TBATA: variants seen among roughly 807,000 people sequenced by gnomAD.
TBATA encodes protein TBATA.
A neutral mutation model predicts 38.7 loss-of-function variants in TBATA; 47 were observed. The ratio of observed to expected loss-of-function variants is 1.21; its 90% CI spans 0.96 to 1.55. TBATA has a LOEUF of 1.55. Among genes scored for constraint, TBATA ranks in the 40% most tolerant of loss-of-function variants. The pLI, the probability that TBATA is intolerant of heterozygous loss-of-function variation, is 0.00. For missense variants in TBATA, 436 were observed against 435.6 expected, an observed-to-expected ratio of 1.00 and a Z score of -0.01; for synonymous variants, 183 against 170.5, an observed-to-expected ratio of 1.07 and a Z score of -0.57.
Position 70,775,173 on chromosome 10 carries a change from G to A in TBATA, c.775+16C>T, listed in dbSNP as rs758908549. Reference sequence around the variant, plus strand: ...GCAGCCTCCACTGAGACAGTGCTGCGGGGCTGTGTCCTCACCCTTGGGCGG... The same window carrying A: ...GCAGCCTCCACTGAGACAGTGCTGCAGGGCTGTGTCCTCACCCTTGGGCGG... On this transcript the variant is annotated intron_variant, in intron 8 of 10. Coordinates refer to ENST00000456372, the MANE Select transcript of TBATA (RefSeq NM_001318241.2). 2.1e-5 allele frequency: 33 copies of A among 1,607,658 alleles called. No homozygotes were observed. Among genetic ancestry groups the A allele is most frequent in the Admixed American group, 1.8e-4 (11 of 59,924 alleles).
Position 70,784,103 on chromosome 10 carries a change from C to G in TBATA, c.-147+544G>C, listed in dbSNP as rs570014226. 4.6e-5 allele frequency among the ~76,000 whole-genome samples: 7 copies of G among 152,230 alleles called. No homozygotes were observed. The East Asian group carries it at 1.4e-3, about 29-fold the overall frequency. On this transcript the variant is annotated intron_variant, in intron 2 of 10. Transcript: ENST00000456372. ...CCACAAGTTCCAGAGGACCACATAG[C>G]CTGAGATCCTTTCTAAAAATAAAAG...
At chr10:70,777,400 G>T in intron 6 of TBATA, 62 bp from the exon 7 acceptor site, 2 of 1,491,806 alleles carry the variant, frequency 1.3e-6, no homozygotes, top group South Asian at 2.4e-5. Flanking sequence ...AGGGCTGAGG[G>T]GAGGAGAGGA....
chr10:70,773,533 G>A (rs545961564), intron 9 of TBATA, among the ~76,000 whole-genome samples: 2 of 151,540 alleles, frequency 1.3e-5, no homozygotes, highest in South Asian at 2.1e-4. Flanking sequence ...ACAAGCTCCC[G>A]GGGAGAATCT....
intron 7 of TBATA, 68 bp downstream of exon 7, chr10:70,777,085 C>T: frequency 3.9e-6 from 6 of 1,533,130 alleles, no homozygotes; most frequent in Middle Eastern, 1.7e-4. Flanking sequence ...AGGGGCCTTG[C>T]CCTAAAGCGG....
intron 1 of TBATA, among the ~76,000 whole-genome samples, 187 bp from the exon 2 acceptor site, chr10:70,784,960 T>G (rs1844694790): frequency 6.6e-6 from 1 of 152,192 alleles, no homozygotes; most frequent in Non-Finnish European, 1.5e-5. Context: ...ATTTTTACCC[T>G]ATTTTTGGTT....
intron 3 of TBATA, among the ~76,000 whole-genome samples, chr10:70,782,862 C>T (rs1189155699): frequency 2.6e-5 from 4 of 152,186 alleles, no homozygotes; most frequent in African/African-American, 9.7e-5. Flanking sequence ...TGAAGGGAGT[C>T]CTTTTGGAGT....
chr10:70,772,319 T>C (rs529219232), intron 10 of TBATA, 195 bp downstream of exon 10: 15 of 721,262 alleles, frequency 2.1e-5, no homozygotes, highest in Non-Finnish European at 3.3e-5. Flanking sequence ...TCCTCACTGA[T>C]CCCCAGAGTT....
chr10:70,782,527 C>G (rs980677352), intron 3 of TBATA: 59 of 1,268,592 alleles, frequency 4.7e-5, no homozygotes, highest in Non-Finnish European at 5.6e-5. Context: ...GACTCAGCGT[C>G]CAGAGGCCAG....
intron 7 of TBATA, 90 bp from the exon 8 acceptor site, chr10:70,775,360 C>T (rs908367316): frequency 2.2e-5 from 26 of 1,167,756 alleles, no homozygotes; most frequent in Non-Finnish European, 3.2e-5. Flanking sequence ...GGAGACCCTT[C>T]CCCCAAAGTG....
intron 7 of TBATA, among the ~76,000 whole-genome samples, chr10:70,776,578 A>C (rs1843433181): frequency 6.6e-6 from 1 of 152,174 alleles, no homozygotes; most frequent in South Asian, 2.1e-4. Context: ...TGCTGGTCAC[A>C]AGGAAGGTGG....
At chr10:70,771,679 A>G (rs144292732) in intron 10 of TBATA, among the ~76,000 whole-genome samples, 319 of 152,280 alleles carry the variant, frequency 2.1e-3, no homozygotes, top group African/African-American at 7.5e-3. Flanking sequence ...ACAAATATCA[A>G]TGAGATGCCT....
At chr10:70,776,709 C>T (rs984366519) in intron 7 of TBATA, among the ~76,000 whole-genome samples, 3 of 152,244 alleles carry the variant, frequency 2.0e-5, no homozygotes, top group African/African-American at 7.2e-5. Flanking sequence ...AGTGGGGAAA[C>T]GTGAGCATGG....
In TBATA at chr10:70,779,733, C is replaced by T. The variant is rs757643516; in HGVS notation, c.287G>A (p.Gly96Glu). ...ATCCCTGACGACACAGACAGGCTTC[C>T]CGGTGAGATCTGCAAAGGGTTAGAG... ...QHVTHIQDLTGKPVCVVRDFP... is the reference protein window; with the variant it reads ...QHVTHIQDLTEKPVCVVRDFP... The change falls in exon 5 of 11, where the codon GGG becomes GAG. Residue 96 changes from glycine to glutamate, a missense_variant. Coordinates refer to ENST00000456372, the MANE Select transcript of TBATA (RefSeq NM_001318241.2). 14 of 1,535,490 alleles carry T rather than the reference C, an allele frequency of 9.1e-6. No homozygotes were observed. The highest frequency in any genetic ancestry group is 2.3e-5 in the Admixed American group (1 of 42,822).
intron 3 of TBATA, chr10:70,782,463 G>T (rs1190312757): frequency 2.3e-6 from 3 of 1,291,734 alleles, no homozygotes; most frequent in Non-Finnish European, 3.0e-6. Context: ...ACAGCCCAGA[G>T]GCCAGCTATA....
chr10:70,782,417 G>T (rs1294931983), intron 3 of TBATA: 6 of 1,300,120 alleles, frequency 4.6e-6, no homozygotes, highest in Non-Finnish European at 6.0e-6. Flanking sequence ...GATGGGGATG[G>T]TCTCAACAGG....
chr10:70,785,112 C>A (rs1844714501), intron 1 of TBATA, among the ~76,000 whole-genome samples, 173 bp downstream of exon 1: 1 of 152,164 alleles, frequency 6.6e-6, no homozygotes, highest in African/African-American at 2.4e-5. Flanking sequence ...ACAGGTGGGA[C>A]CCCAGTGTAG....
rs1042509210 is a variant in TBATA at position 70,783,266 on chromosome 10, G to A, written c.41+73C>T. ...CTCCTAATCTGTTGAGATCCCCCAA[G>A]GCCACCTTTGTCTTCTACCCTGCCC... On this transcript the variant is annotated intron_variant, in intron 3 of 10. Transcript: ENST00000456372. The A allele has an allele frequency of 3.8e-6, 6 of 1,560,992 alleles. No individual in the cohort carries two copies. In the African/African-American group the frequency reaches 6.8e-5, roughly 18 times the overall value.
intron 7 of TBATA, among the ~76,000 whole-genome samples, chr10:70,775,601 C>G (rs577724816): frequency 6.8e-6 from 1 of 147,808 alleles, no homozygotes; most frequent in Non-Finnish European, 1.5e-5. Context: ...CCCCACATCC[C>G]TGAAGCCTGC....
chr10:70,781,718 G>T, intron 4 of TBATA, 83 bp downstream of exon 4: 1 of 1,317,936 alleles, frequency 7.6e-7, no homozygotes, highest in Non-Finnish European at 1.1e-6. Flanking sequence ...CTGGAAATGG[G>T]CTGCCATCAA....
Sources: gnomAD v4.1 joint callset for allele counts (sites outside exome capture counted in the v4.1 genomes callset) on GRCh38, gnomAD v4.1.1 for gene constraint, MANE v1.5 for transcripts, NCBI Gene and HGNC (gene_info 2026-07-23, HGNC 2026-07-21) for gene names.